The following ZC3H3 variants were observed in gnomAD, a reference collection of about 807,000 sequenced individuals.
The protein encoded by ZC3H3 is zinc finger CCCH domain-containing protein 3.
Under a neutral mutation model 77.3 loss-of-function variants are expected in ZC3H3, and 36 were observed. That is an observed-to-expected ratio of 0.47 (90% confidence interval 0.36 to 0.61). ZC3H3 has a LOEUF of 0.61. Ranked by LOEUF, ZC3H3 falls within the 20% of genes least tolerant of loss-of-function variation. The pLI, the probability that ZC3H3 is intolerant of heterozygous loss-of-function variation, is 0.00. For missense variants in ZC3H3, 1,331 were observed against 1,312.2 expected (o/e 1.01, Z -0.22); for synonymous variants, 626 against 555.2 (o/e 1.13, Z -1.79).
chr8:143,467,059 G>A (rs577473363), intron 8 of ZC3H3, among the ~76,000 whole-genome samples: 7 of 152,324 alleles, frequency 4.6e-5, no homozygotes, highest in South Asian at 2.1e-4. Context: ...TTTAACGAGC[G>A]GGAGTTTATT....
chr8:143,533,742 A>C lies in ZC3H3; in HGVS notation c.1561+2515T>G, dbSNP rs1822698307. The stretch of plus-strand genomic sequence containing the variant: ...CACTCTGTCGCCCAGGCTGGAGTAC[A>C]ATGGCACGATCTAACCTCTGCCTCC... On this transcript the variant is annotated intron_variant, in intron 3 of 11. Coordinates refer to ENST00000262577, the MANE Select transcript of ZC3H3 (RefSeq NM_015117.3). This position sits in a 1 kb window ranked among gnomAD's most constrained non-coding sequence, Gnocchi z 4.0. Among the ~76,000 whole-genome samples the C allele has an allele frequency of 6.7e-6, 1 of 150,154 alleles. No individual in the cohort carries two copies. Among genetic ancestry groups the C allele is most frequent in the Non-Finnish European group, 1.5e-5 (1 of 67,760 alleles).
At chr8:143,517,320 C>T (rs1247045840) in intron 3 of ZC3H3, among the ~76,000 whole-genome samples, 5 of 152,180 alleles carry the variant, frequency 3.3e-5, no homozygotes, top group Non-Finnish European at 1.5e-5. Flanking sequence ...GGCCTCCCTG[C>T]CCTCCACGGC....
At chr8:143,532,497 C>A (rs896934) in intron 3 of ZC3H3, among the ~76,000 whole-genome samples, 145,591 of 152,356 alleles carry the variant, frequency 0.96, 69,918 homozygotes, top group East Asian at 1. Flanking sequence ...AGAAAACTCC[C>A]AACAGCCAAA....
chr8:143,472,132 T>C (rs1396552614), intron 5 of ZC3H3, among the ~76,000 whole-genome samples: 2 of 152,222 alleles, frequency 1.3e-5, no homozygotes, highest in Non-Finnish European at 2.9e-5. Context: ...CTGCCTGCCC[T>C]GGCTGGCACC....
At chr8:143,531,342 C>G (rs1177809354) in intron 3 of ZC3H3, among the ~76,000 whole-genome samples, 3 of 152,164 alleles carry the variant, frequency 2.0e-5, no homozygotes, top group Non-Finnish European at 4.4e-5. Context: ...GCAAGGGGCA[C>G]ACTGACAGCA....
At position 143,441,070 on chromosome 8, in the gene ZC3H3, CG is replaced by C; in HGVS notation, c.2357del (p.Ala786GlyfsTer113). 1 of 1,469,776 alleles carries C rather than the reference CG, an allele frequency of 6.8e-7. No homozygotes were observed. 91.0% of individuals were successfully genotyped at this position (1,469,776 alleles called of 1,614,324 possible). On this transcript the variant is annotated frameshift_variant, in exon 10 of 12. Coordinates refer to ENST00000262577, the MANE Select transcript of ZC3H3 (RefSeq NM_015117.3). LOFTEE classifies it high-confidence loss of function. ...LLCPDFARRGACPRGAQCQLL... is the reference protein window; with the variant it reads ...LLCPDFARRGXCPRGAQCQLL... ...GCTGGCACTGGGCGCCGCGGGGACA[CG>C]CCCCCCTGCGGGCAAAGTCGGGGCA...
At chr8:143,509,189 G>A (rs1196862395) in intron 3 of ZC3H3, among the ~76,000 whole-genome samples, 1 of 152,188 alleles carries the variant, frequency 6.6e-6, no homozygotes, top group African/African-American at 2.4e-5. Context: ...CTTCCCCAGA[G>A]TCCCCCAGAG....
intron 4 of ZC3H3, among the ~76,000 whole-genome samples, chr8:143,490,129 G>A (rs2129963203): frequency 6.6e-6 from 1 of 152,326 alleles, no homozygotes; most frequent in Non-Finnish European, 1.5e-5. Flanking sequence ...GGGGCGGCGG[G>A]GGTGAAGGGG....
intron 3 of ZC3H3, among the ~76,000 whole-genome samples, chr8:143,529,771 G>A (rs957563634): frequency 2.0e-5 from 3 of 152,198 alleles, no homozygotes; most frequent in East Asian, 1.9e-4. Context: ...GGGAAGCCAC[G>A]ACCACCTGGT....
rs1380267559 is a variant in ZC3H3, at chr8:143,535,944, C to A, written c.1561+313G>T. 4.6e-5 allele frequency among the ~76,000 whole-genome samples: 7 copies of A among 152,334 alleles called. No homozygotes were observed. The East Asian group carries it at 1.4e-3, about 29-fold the overall frequency. ...CAGCGCAGCACAAGCGAGGGCTTCA[C>A]CCCTGCTTAAGGGCTCAGCAGCCGC... On this transcript the variant is annotated intron_variant, in intron 3 of 11. Transcript: ENST00000262577.
intron 4 of ZC3H3, among the ~76,000 whole-genome samples, chr8:143,503,596 C>T (rs1200972054): frequency 6.8e-6 from 1 of 147,678 alleles, no homozygotes; most frequent in Non-Finnish European, 1.5e-5. Flanking sequence ...TCCACCACCA[C>T]CTCCCCCAGC....
chr8:143,534,647 C>A (rs1822734665), intron 3 of ZC3H3, among the ~76,000 whole-genome samples: 1 of 96,440 alleles, frequency 1.0e-5, no homozygotes, highest in African/African-American at 3.6e-5. Flanking sequence ...CCTCCCCAAC[C>A]CCTCCTCCCC....
chr8:143,457,991 C>G (rs917518552), intron 9 of ZC3H3, among the ~76,000 whole-genome samples: 6 of 152,014 alleles, frequency 3.9e-5, no homozygotes, highest in Admixed American at 1.3e-4. Context: ...TAAGAGCAGA[C>G]AGCCCAATGA....
At chr8:143,516,844 T>C (rs1822070351) in intron 3 of ZC3H3, among the ~76,000 whole-genome samples, 1 of 152,194 alleles carries the variant, frequency 6.6e-6, no homozygotes, top group South Asian at 2.1e-4. Context: ...ATTTACGGAT[T>C]ATCAAATCAC....
chr8:143,477,623 C>T (rs902268702), intron 4 of ZC3H3, among the ~76,000 whole-genome samples: 1 of 152,232 alleles, frequency 6.6e-6, no homozygotes, highest in Non-Finnish European at 1.5e-5. Context: ...CCTCCTGCAC[C>T]AGCCTCTCAG....
rs1267710864 is a variant in ZC3H3 at position 143,460,841 on chromosome 8, A to G, written c.2307+4876T>C. Among the ~76,000 whole-genome samples the G allele has an allele frequency of 4.6e-5, 7 of 152,192 alleles. No homozygotes were observed. The highest frequency in any genetic ancestry group is 8.8e-5 in the Non-Finnish European group (6 of 68,034). The stretch of plus-strand genomic sequence containing the variant: ...GACACAGCTAGACCCTGGAAACATT[A>G]CGCTGCGTGAAAGACGCCAGACACC... On this transcript the variant is annotated intron_variant, in intron 9 of 11. Coordinates refer to ENST00000262577, the MANE Select transcript of ZC3H3 (RefSeq NM_015117.3). This position sits in a 1 kb window ranked among gnomAD's most constrained non-coding sequence, Gnocchi z 4.0.
chr8:143,452,702 T>C (rs897814021), intron 9 of ZC3H3, among the ~76,000 whole-genome samples: 1 of 152,144 alleles, frequency 6.6e-6, no homozygotes, highest in Admixed American at 6.6e-5. Context: ...AAAAACTCAG[T>C]GTGTGGCACA....
At chr8:143,504,167 C>T (rs970621869) in intron 4 of ZC3H3, among the ~76,000 whole-genome samples, 1 of 152,334 alleles carries the variant, frequency 6.6e-6, no homozygotes, top group Admixed American at 6.5e-5. Context: ...CAGGGCAGAG[C>T]TAGGGCCAAT....
chr8:143,463,387 A>C (rs1367458476), intron 9 of ZC3H3, among the ~76,000 whole-genome samples: 4 of 152,204 alleles, frequency 2.6e-5, no homozygotes, highest in African/African-American at 9.7e-5. Context: ...GCAAGGGTGC[A>C]GAAACTGTCA....
Sources: gnomAD v4.1 joint callset for allele counts (sites outside exome capture counted in the v4.1 genomes callset) on GRCh38, gnomAD v4.1.1 for gene constraint, Gnocchi (gnomAD v3.1) non-coding constraint, MANE v1.5 for transcripts, NCBI Gene and HGNC (gene_info 2026-07-23, HGNC 2026-07-21) for gene names.